PRICKLE2: variants seen among roughly 807,000 people sequenced by gnomAD.
PRICKLE2 encodes prickle-like protein 2.
In PRICKLE2, 21 loss-of-function variants were observed where a neutral mutation model predicts 81.4. The observed-to-expected ratio is 0.26, with a 90% CI of 0.18 to 0.37. The LOEUF (loss-of-function observed/expected upper bound fraction) is 0.37, where lower values mean the gene tolerates loss of function less well. Ranked by LOEUF, PRICKLE2 falls within the 10% of genes least tolerant of loss-of-function variation. PRICKLE2 has a pLI of 1.00. For synonymous variants in PRICKLE2, 456 were observed against 421.5 expected, an observed-to-expected ratio of 1.08 and a Z score of -1.00; for missense variants, 940 against 1,109.0, an observed-to-expected ratio of 0.85 and a Z score of 2.16.
intron 2 of PRICKLE2, chr3:64,174,273 G>C (rs1302711302): frequency 6.6e-6 from 1 of 152,126 alleles, no homozygotes; most frequent in Non-Finnish European, 1.5e-5. Context: ...TGCAATATTT[G>C]GCCAAGTTAA....
At chr3:64,190,276 T>A (rs146740436) in intron 2 of PRICKLE2, 1 of 152,340 alleles carries the variant, frequency 6.6e-6, no homozygotes, top group African/African-American at 2.4e-5. Context: ...TTTGTTTTGT[T>A]TTGTTTTGTT....
At chr3:64,121,340 A>T in intron 7 of PRICKLE2, among the ~76,000 whole-genome samples, 1 of 152,176 alleles carries the variant, frequency 6.6e-6, no homozygotes, top group Non-Finnish European at 1.5e-5. Context: ...TTCAGAAAGA[A>T]GATAGAAAAT....
chr3:64,150,784 C>T (rs1297334970), intron 6 of PRICKLE2, among the ~76,000 whole-genome samples: 2 of 152,130 alleles, frequency 1.3e-5, no homozygotes, highest in African/African-American at 2.4e-5. Flanking sequence ...CCTAGTTCCT[C>T]GGGATGGGGG....
chr3:64,166,199 C>T (rs2107052936), intron 2 of PRICKLE2, among the ~76,000 whole-genome samples: 1 of 152,202 alleles, frequency 6.6e-6, no homozygotes, highest in East Asian at 1.9e-4. Context: ...GTTAAGGTTT[C>T]CCACAGCACT....
chr3:64,191,244 C>T (rs1035101445), intron 2 of PRICKLE2, among the ~76,000 whole-genome samples: 4 of 152,192 alleles, frequency 2.6e-5, no homozygotes, highest in African/African-American at 4.8e-5. Context: ...CCCTCTTTCC[C>T]GGAAGCCAAA....
chr3:64,202,032 T>C (rs1575660672), intron 1 of PRICKLE2, among the ~76,000 whole-genome samples: 1 of 152,314 alleles, frequency 6.6e-6, no homozygotes, highest in East Asian at 1.9e-4. Context: ...TGTCAAAAAA[T>C]CTACTGACCA....
intron 7 of PRICKLE2, among the ~76,000 whole-genome samples, chr3:64,119,667 A>T (rs1441566921): frequency 6.6e-6 from 1 of 152,186 alleles, no homozygotes; most frequent in African/African-American, 2.4e-5. Context: ...CAAAGAACTT[A>T]AACCAAACTA....
chr3:64,108,461 GCCA>G (rs1450928725), intron 7 of PRICKLE2, among the ~76,000 whole-genome samples: 1 of 152,056 alleles, frequency 6.6e-6, no homozygotes, highest in African/African-American at 2.4e-5. Context: ...GAGCTTAAAC[GCCA>G]CCACATGTTT....
At chr3:64,230,101 G>T (rs2079080974), upstream of PRICKLE2, among the ~76,000 whole-genome samples, 1 of 152,156 alleles carries the variant, frequency 6.6e-6, no homozygotes, top group Non-Finnish European at 1.5e-5. Context: ...GAGGCTTTTA[G>T]GTGCCTCAGC....
chr3:64,208,107 G>T (rs1488832531), intron 1 of PRICKLE2, among the ~76,000 whole-genome samples: 3 of 152,154 alleles, frequency 2.0e-5, no homozygotes, highest in African/African-American at 4.8e-5. Flanking sequence ...GTTTTAGGAG[G>T]GAATTAGGTG....
rs550291469 is a variant in PRICKLE2 at position 64,108,520 on chromosome 3, A to G, written c.1661-8595T>C. Among the ~76,000 whole-genome samples, 8 of 152,216 alleles carry G rather than the reference A, an allele frequency of 5.3e-5. No individual in the cohort carries two copies. The East Asian group carries it at 1.5e-3, about 29-fold the overall frequency. ...TGGCTCAAACAGAGTATGACAAAGA[A>G]GGCTGGGGGTGGGGACAGAAAGAGG... is the stretch of plus-strand genomic sequence containing the variant. On this transcript the variant is annotated intron_variant, in intron 7 of 7. Transcript: ENST00000638394.
chr3:64,115,850 A>C (rs1184617614), intron 7 of PRICKLE2, among the ~76,000 whole-genome samples: 1 of 152,176 alleles, frequency 6.6e-6, no homozygotes, highest in Non-Finnish European at 1.5e-5. Flanking sequence ...AGCAGACCTG[A>C]TAGATATCTA....
chr3:64,230,019 C>T (rs2079079615), upstream of PRICKLE2, among the ~76,000 whole-genome samples: 1 of 152,186 alleles, frequency 6.6e-6, no homozygotes, highest in Non-Finnish European at 1.5e-5. Context: ...ATCTACTCTG[C>T]TTCCTTCTTG....
chr3:64,221,828 A>C (rs1455120852), intron 1 of PRICKLE2, among the ~76,000 whole-genome samples: 1 of 152,200 alleles, frequency 6.6e-6, no homozygotes, highest in Non-Finnish European at 1.5e-5. Context: ...GGTTTCTGCT[A>C]ATTCGAGGCA....
chr3:64,138,082 T>C (rs1475093172), intron 7 of PRICKLE2, among the ~76,000 whole-genome samples: 1 of 151,490 alleles, frequency 6.6e-6, no homozygotes, highest in Non-Finnish European at 1.5e-5. Context: ...GTGGGGCTTT[T>C]AGAGGAGGGG....
At chr3:64,182,696 T>C (rs999521591) in intron 2 of PRICKLE2, 1 of 152,124 alleles carries the variant, frequency 6.6e-6, no homozygotes, top group African/African-American at 2.4e-5. Flanking sequence ...CTGGTCTTTA[T>C]AAATTACACT....
At chr3:64,111,296 C>G (rs1039961966) in intron 7 of PRICKLE2, among the ~76,000 whole-genome samples, 12 of 152,312 alleles carry the variant, frequency 7.9e-5, no homozygotes, top group African/African-American at 2.9e-4. Flanking sequence ...ACTTTTAAAG[C>G]ACTTTTACGC....
intron 2 of PRICKLE2, chr3:64,190,167 A>T (rs1220443505): frequency 2.6e-5 from 4 of 152,226 alleles, no homozygotes; most frequent in African/African-American, 9.7e-5. Flanking sequence ...TAACAGCTCA[A>T]ATACTGCCTC....
chr3:64,255,343 G>A (rs2107184057), intron 2 of PRICKLE2, among the ~76,000 whole-genome samples: 1 of 152,308 alleles, frequency 6.6e-6, no homozygotes, highest in African/African-American at 2.4e-5. Flanking sequence ...GCCCTGTGTA[G>A]GCTTCAACCT....
Sources: allele counts gnomAD v4.1 joint callset (sites outside exome capture counted in the v4.1 genomes callset), GRCh38; gene constraint gnomAD v4.1.1; transcripts MANE v1.5; gene names NCBI Gene and HGNC (gene_info 2026-07-23, HGNC 2026-07-21).